The following FBRSL1 variants were observed in gnomAD, a reference collection of about 807,000 sequenced individuals.
FBRSL1 encodes the protein fibrosin-1-like protein.
Under a neutral mutation model 89.6 loss-of-function variants are expected in FBRSL1, and 51 were observed. That is an observed-to-expected ratio of 0.57 (90% CI 0.45 to 0.72). FBRSL1 has a LOEUF of 0.72. Among genes scored for constraint, FBRSL1 ranks in the 30% least tolerant of loss-of-function variants. The pLI is 0.00. For missense variants in FBRSL1, 1,618 were observed against 1,451.8 expected, an observed-to-expected ratio of 1.11 and a Z score of -1.86; for synonymous variants, 779 against 681.1, an observed-to-expected ratio of 1.14 and a Z score of -2.24.
intron 6 of FBRSL1, 130 bp from the exon 7 acceptor site, chr12:132,569,796 A>G (rs2137854818): frequency 3.1e-6 from 2 of 640,120 alleles, no homozygotes; most frequent in Non-Finnish European, 4.6e-6. Context: ...CTGCCTCCTC[A>G]TCTGAAATGG....
At chr12:132,508,109 C>G (rs1383557039) in intron 1 of FBRSL1, 44 bp from the exon 2 acceptor site, 2 of 1,395,980 alleles carry the variant, frequency 1.4e-6, no homozygotes, top group African/African-American at 2.8e-5. Flanking sequence ...GCCCAAGGCC[C>G]TGGGGTCCCG....
chr12:132,566,154 G>A (rs1459559920), intron 5 of FBRSL1: 1 of 152,124 alleles, frequency 6.6e-6, no homozygotes, highest in African/African-American at 2.4e-5. Context: ...GTCAAGGCAT[G>A]GCAGAGTCCC....
At chr12:132,500,073 C>T (rs1047436897) in intron 1 of FBRSL1, among the ~76,000 whole-genome samples, 1 of 152,146 alleles carries the variant, frequency 6.6e-6, no homozygotes, top group South Asian at 2.1e-4. Flanking sequence ...ACCCTCTGGC[C>T]GGAATCCGTG....
chr12:132,571,217 C>A lies in FBRSL1; in HGVS notation c.1363C>A (p.Pro455Thr), dbSNP rs2039986372. ...ASGHPGLACR[P>T]RECQFDKYAP... is the part of the protein sequence containing the mutation. ...CGGCCACCCCGGCTTGGCCTGCCGA[C>A]CCCGGGAGTGCCAGGTGACTATCCG... The change falls in exon 9 of 19, where the codon CCC (proline) becomes ACC (threonine). Residue 455 changes from proline (P) to threonine (T), a missense_variant. Pro to Thr is a conservative substitution (Grantham distance 38). Coordinates refer to ENST00000680143, the MANE Select transcript of FBRSL1 (RefSeq NM_001367871.1). The A allele has an allele frequency of 4.1e-6, 6 of 1,453,136 alleles. 1 individual carries two copies. In the South Asian group the frequency reaches 7.0e-5, roughly 17 times the overall value. The allele number at this position is 1,453,136 out of a possible 1,614,324, so 90.0% of individuals were successfully genotyped here.
chr12:132,490,614 G>A lies in FBRSL1; in HGVS notation c.44G>A (p.Arg15Gln). 1.0e-6 allele frequency: 1 copy of A among 983,402 alleles called. No individual in the cohort carries two copies. Among genetic ancestry groups the A allele is most frequent in the Non-Finnish European group, 1.2e-6 (1 of 830,106 alleles). The allele number at this position is 983,402 out of a possible 1,614,324, so 60.9% of individuals were successfully genotyped here. A position where few individuals can be genotyped will look rare whatever the true frequency, so the allele number is the denominator to read the frequency against. The change falls in exon 1 of 19, where the codon CGG becomes CAG. Residue 15 changes from arginine (R) to glutamine (Q), a missense_variant. Physicochemically the swap from Arg to Gln is conservative, Grantham distance 43. Coordinates refer to ENST00000680143, the MANE Select transcript of FBRSL1 (RefSeq NM_001367871.1). ...CCGAGCCGGCGCTCGCGCGCGCAGC[G>A]GGACCGTGGCCGGCGCCGGGAGGCC... The part of the protein sequence containing the change: ...VRPSRRSRAQ[R>Q]DRGRRREAAR...
intron 15 of FBRSL1, 127 bp from the exon 16 acceptor site, chr12:132,581,311 AG>A (rs961801457): frequency 1.3e-6 from 2 of 1,533,942 alleles, no homozygotes; most frequent in African/African-American, 2.8e-5. Context: ...TTCACCCCTC[AG>A]GGCATGCGAG....
chr12:132,536,393 A>G (rs2036747694), intron 4 of FBRSL1, among the ~76,000 whole-genome samples: 1 of 150,812 alleles, frequency 6.6e-6, no homozygotes, highest in African/African-American at 2.5e-5. Context: ...CCATGTGTAC[A>G]TGACAATATG....
At chr12:132,554,311 C>G (rs2038434113) in intron 5 of FBRSL1, 1 of 152,160 alleles carries the variant, frequency 6.6e-6, no homozygotes. Flanking sequence ...TCGGAAGCCT[C>G]GAGGGCAACC....
chr12:132,522,103 G>C (rs894984710), intron 2 of FBRSL1, among the ~76,000 whole-genome samples: 1 of 152,120 alleles, frequency 6.6e-6, no homozygotes, highest in Non-Finnish European at 1.5e-5. Flanking sequence ...CGGCCCCTCA[G>C]CCTGGGGTGG....
At chr12:132,557,503 G>A (rs953452898) in intron 5 of FBRSL1, among the ~76,000 whole-genome samples, 5 of 152,158 alleles carry the variant, frequency 3.3e-5, no homozygotes, top group Non-Finnish European at 5.9e-5. Flanking sequence ...CTCGGGGCTC[G>A]GGGCTGGGTT....
intron 12 of FBRSL1, 26 bp downstream of exon 12, chr12:132,574,184 C>T: frequency 2.1e-6 from 3 of 1,428,450 alleles, no homozygotes; most frequent in Middle Eastern, 5.2e-4. Context: ...CGCCCGTCCC[C>T]ACCCCGGGGG....
chr12:132,515,673 G>T (rs2034773343), intron 2 of FBRSL1, among the ~76,000 whole-genome samples: 1 of 152,128 alleles, frequency 6.6e-6, no homozygotes, highest in Non-Finnish European at 1.5e-5. Flanking sequence ...CCCAAGGAGG[G>T]TGGATCACTT....
chr12:132,492,628 G>T (rs1286167983), intron 1 of FBRSL1, among the ~76,000 whole-genome samples: 1 of 152,250 alleles, frequency 6.6e-6, no homozygotes, highest in East Asian at 1.9e-4. Context: ...CTGACTGGCT[G>T]TCCACCTGCT....
intron 18 of FBRSL1, among the ~76,000 whole-genome samples, chr12:132,582,478 A>C (rs1593615687): frequency 7.4e-6 from 1 of 134,256 alleles, no homozygotes; most frequent in East Asian, 2.4e-4. Context: ...CAGTCTGTCC[A>C]GCTCTGCTGA....
intron 1 of FBRSL1, among the ~76,000 whole-genome samples, chr12:132,498,902 CAG>C (rs1240285636): frequency 6.6e-6 from 1 of 152,236 alleles, no homozygotes; most frequent in Non-Finnish European, 1.5e-5. Context: ...GGGGGCTGGG[CAG>C]AGAGGCCGAC....
Position 132,574,081 on chromosome 12 carries a change from T to C in FBRSL1, c.1531-9T>C. The C allele has an allele frequency of 7.8e-7, 1 of 1,288,362 alleles. No individual in the cohort carries two copies. Among genetic ancestry groups the C allele is most frequent in the Non-Finnish European group, 9.8e-7 (1 of 1,018,416 alleles). The allele number at this position is 1,288,362 out of a possible 1,614,324, so 79.8% of individuals were successfully genotyped here. On this transcript the variant is annotated splice_polypyrimidine_tract_variant and intron_variant, in intron 11 of 18. Coordinates refer to ENST00000680143, the MANE Select transcript of FBRSL1 (RefSeq NM_001367871.1). The stretch of plus-strand genomic sequence containing the variant: ...CAGGCGCACACAAGCTGTCTCTTTC[T>C]CCCCTCAGACTTCAAGCCCCATTGA...
At chr12:132,514,410 C>T (rs1322594025) in intron 2 of FBRSL1, among the ~76,000 whole-genome samples, 2 of 152,218 alleles carry the variant, frequency 1.3e-5, no homozygotes, top group African/African-American at 4.8e-5. Context: ...CCCAGGACCG[C>T]AGTACCAGAC....
At position 132,569,092 on chromosome 12, in the gene FBRSL1, G is replaced by C. The variant is rs185273560; in HGVS notation, c.692-834G>C. ...CTGCGAAACTGGCCCCCTGACCGTG[G>C]CAGCTCCTGACCCCAGGCAACAGGA... On this transcript the variant is annotated intron_variant, in intron 6 of 18. Coordinates refer to ENST00000680143, the MANE Select transcript of FBRSL1 (RefSeq NM_001367871.1). Among the ~76,000 whole-genome samples the C allele has an allele frequency of 1.4e-3, 210 of 152,246 alleles. 1 individual carries two copies. The highest frequency in any genetic ancestry group is 4.7e-3 in the African/African-American group (195 of 41,542).
chr12:132,542,917 T>C (rs1232496990), intron 4 of FBRSL1, among the ~76,000 whole-genome samples: 1 of 152,156 alleles, frequency 6.6e-6, no homozygotes, highest in East Asian at 1.9e-4. Context: ...GTGCTGCTGA[T>C]TTGTGTCTCC....
Sources: allele counts gnomAD v4.1 joint callset (sites outside exome capture counted in the v4.1 genomes callset), GRCh38; gene constraint gnomAD v4.1.1; transcripts MANE v1.5; gene names NCBI Gene and HGNC (gene_info 2026-07-23, HGNC 2026-07-21).